The following POU6F2 variants were observed in gnomAD, a reference collection of about 807,000 sequenced individuals.
POU6F2 encodes the protein POU class 6 homeobox 2.
A neutral mutation model predicts 71.3 loss-of-function variants in POU6F2; 31 were observed. The ratio of observed to expected loss-of-function variants is 0.43; its 90% CI spans 0.33 to 0.59. The LOEUF (loss-of-function observed/expected upper bound fraction) is 0.59. Among genes scored for constraint, POU6F2 ranks in the 20% least tolerant of loss-of-function variants. POU6F2 has a pLI of 0.04. For synonymous variants in POU6F2, 347 were observed against 355.7 expected (o/e 0.98, Z 0.27); for missense variants, 783 against 856.8 (o/e 0.91, Z 1.07).
intron 5 of POU6F2, among the ~76,000 whole-genome samples, chr7:39,371,384 T>C (rs1786606998): frequency 6.6e-6 from 1 of 152,154 alleles, no homozygotes; most frequent in African/African-American, 2.4e-5. Context: ...TTTCACCATG[T>C]TGGTCAGGCT....
chr7:38,981,841 T>C (rs543296127), intron 1 of POU6F2, among the ~76,000 whole-genome samples: 4 of 152,336 alleles, frequency 2.6e-5, no homozygotes, highest in Admixed American at 6.5e-5. Flanking sequence ...GTGCTCAGTA[T>C]GTGTGCATGC....
rs1437014520 is a variant in POU6F2, at chr7:39,235,419, G to T, written c.598+27799G>T. 9.9e-5 allele frequency among the ~76,000 whole-genome samples: 15 copies of T among 152,070 alleles called. 1 individual carries two copies. The highest frequency in any genetic ancestry group is 9.8e-4 in the Admixed American group (15 of 15,274). On this transcript the variant is annotated intron_variant, in intron 4 of 9. Transcript: ENST00000518318. ...TATCATCTCCATTTCGCTTGTTTAAGGTCACACACCTGGTAATTGGTGGTG... is the reference window on the plus strand; with the variant it reads ...TATCATCTCCATTTCGCTTGTTTAATGTCACACACCTGGTAATTGGTGGTG...
intron 2 of POU6F2, among the ~76,000 whole-genome samples, chr7:39,105,641 G>C (rs1283482762): frequency 6.6e-6 from 1 of 152,098 alleles, no homozygotes; most frequent in Non-Finnish European, 1.5e-5. Flanking sequence ...TGGTGCAAAA[G>C]ATCCCATTAA....
chr7:39,204,408 T>C, intron 3 of POU6F2, 82 bp downstream of exon 3: 1 of 1,163,878 alleles, frequency 8.6e-7, no homozygotes, highest in South Asian at 1.6e-5. Flanking sequence ...TAATAATGAG[T>C]TAAATCCAAT....
intron 7 of POU6F2, among the ~76,000 whole-genome samples, chr7:39,442,888 G>GT (rs1406770802): frequency 1.3e-5 from 2 of 152,184 alleles, no homozygotes; most frequent in African/African-American, 2.4e-5. Flanking sequence ...AAAGGTGAGT[G>GT]TGGGTGATAG....
intron 1 of POU6F2, among the ~76,000 whole-genome samples, chr7:38,994,822 A>C (rs1265368860): frequency 6.6e-6 from 1 of 152,042 alleles, no homozygotes; most frequent in African/African-American, 2.4e-5. Flanking sequence ...TTCCAGATAA[A>C]ACCTAAAAAC....
chr7:39,191,902 G>GT (rs539154459), intron 2 of POU6F2, among the ~76,000 whole-genome samples: 100 of 152,246 alleles, frequency 6.6e-4, no homozygotes, highest in African/African-American at 2.3e-3. Flanking sequence ...TGGCTGGTTG[G>GT]TTTTTTATAA....
chr7:39,117,189 A>G (rs1315753522), intron 2 of POU6F2, among the ~76,000 whole-genome samples: 1 of 152,252 alleles, frequency 6.6e-6, no homozygotes, highest in Non-Finnish European at 1.5e-5. Flanking sequence ...TAGTAAAATC[A>G]TTATGATAAT....
chr7:39,130,177 T>C (rs1473741158), intron 2 of POU6F2, among the ~76,000 whole-genome samples: 2 of 151,218 alleles, frequency 1.3e-5, no homozygotes, highest in Non-Finnish European at 2.9e-5. Flanking sequence ...TGTGTGTGTG[T>C]GTGTTTTAAT....
At chr7:39,319,188 C>T (rs35052359) in intron 4 of POU6F2, among the ~76,000 whole-genome samples, 48,918 of 151,946 alleles carry the variant, frequency 0.32, 8,036 homozygotes, top group Middle Eastern at 0.38. Context: ...TCACCTCCCA[C>T]GTCCTACATG....
chr7:39,322,821 A>T (rs371335687), intron 4 of POU6F2, among the ~76,000 whole-genome samples: 1 of 152,228 alleles, frequency 6.6e-6, no homozygotes, highest in Non-Finnish European at 1.5e-5. Context: ...ATAAATCTAT[A>T]CCATTCCCCC....
At chr7:39,187,747 A>G (rs1046235589) in intron 2 of POU6F2, among the ~76,000 whole-genome samples, 1 of 152,226 alleles carries the variant, frequency 6.6e-6, no homozygotes, top group African/African-American at 2.4e-5. Context: ...TGAGAAGAAA[A>G]TGCCGAGTTT....
intron 1 of POU6F2, among the ~76,000 whole-genome samples, chr7:39,084,511 TGAA>T (rs1335574712): frequency 1.3e-5 from 2 of 152,184 alleles, no homozygotes; most frequent in African/African-American, 4.8e-5. Context: ...CTACAGTATT[TGAA>T]GAAGAAGTGC....
Position 39,467,253 on chromosome 7 carries a change from A to G in POU6F2, c.*2567A>G, listed in dbSNP as rs541996874. 5.9e-5 allele frequency: 9 copies of G among 152,318 alleles called. No individual in the cohort carries two copies. In the South Asian group the frequency reaches 1.9e-3, roughly 32 times the overall value. 9.4% of individuals were successfully genotyped at this position (152,318 alleles called of 1,614,324 possible). On this transcript the variant is annotated 3_prime_UTR_variant, in exon 10 of 10. Coordinates refer to ENST00000518318, the MANE Select transcript of POU6F2 (RefSeq NM_001370959.1). Reference sequence around the variant, plus strand: ...AATGCTTCTTATATTAATTTTTTACAGATAAATTTTTTGCTACAAGGCATA... The same window carrying G: ...AATGCTTCTTATATTAATTTTTTACGGATAAATTTTTTGCTACAAGGCATA...
At chr7:39,268,745 T>A (rs1353058511) in intron 4 of POU6F2, among the ~76,000 whole-genome samples, 1 of 152,138 alleles carries the variant, frequency 6.6e-6, no homozygotes, top group East Asian at 1.9e-4. Context: ...ATCCAAACAA[T>A]CTTTTTATAC....
At chr7:39,287,020 C>T (rs570798616) in intron 4 of POU6F2, among the ~76,000 whole-genome samples, 17 of 151,550 alleles carry the variant, frequency 1.1e-4, no homozygotes, top group South Asian at 2.1e-4. Flanking sequence ...AGATGTCAAG[C>T]GAGTCTGCTT....
chr7:39,231,828 A>G (rs892858416), intron 4 of POU6F2, among the ~76,000 whole-genome samples: 4 of 152,140 alleles, frequency 2.6e-5, no homozygotes, highest in African/African-American at 9.7e-5. Flanking sequence ...AAAAAAAATT[A>G]TTGTATTTAT....
rs145580043 is a variant in POU6F2 at position 39,443,337 on chromosome 7, A to C, written c.1321-8196A>C. On this transcript the variant is annotated intron_variant, in intron 7 of 9. Transcript: ENST00000518318. ...TCCCTTCACCAGTACACATATGTGC[A>C]CCTCTCAGGTATGTGCACGCTGAGA... Among the ~76,000 whole-genome samples the C allele has an allele frequency of 6.7e-3, 1,015 of 152,264 alleles. 11 individuals carry two copies. The highest frequency in any genetic ancestry group is 0.023 in the African/African-American group (963 of 41,562).
chr7:39,394,783 C>T (rs958591038), intron 5 of POU6F2, among the ~76,000 whole-genome samples: 1 of 152,208 alleles, frequency 6.6e-6, no homozygotes, highest in African/African-American at 2.4e-5. Context: ...CACCCCTCCT[C>T]TTTCCCCCAC....
Sources: gnomAD v4.1 joint callset for allele counts (sites outside exome capture counted in the v4.1 genomes callset) on GRCh38, gnomAD v4.1.1 for gene constraint, MANE v1.5 for transcripts, NCBI Gene and HGNC (gene_info 2026-07-23, HGNC 2026-07-21) for gene names.